The following SHISA9 variants were observed in gnomAD, a reference collection of about 807,000 sequenced individuals.
SHISA9 encodes shisa family member 9.
SHISA9 carries 13 observed loss-of-function variants against 38.0 expected under a neutral mutation model. The ratio of observed to expected loss-of-function variants is 0.34; its 90% CI spans 0.22 to 0.54. The LOEUF is 0.54. SHISA9 is among the 20% of genes least tolerant of loss of function. The pLI is 0.91. For synonymous variants in SHISA9, 275 were observed against 242.0 expected (o/e 1.14, Z -1.27); for missense variants, 538 against 575.8 (o/e 0.93, Z 0.67).
intron 2 of SHISA9, among the ~76,000 whole-genome samples, chr16:13,041,571 C>T (rs1009846656): frequency 1.2e-4 from 18 of 152,208 alleles, no homozygotes; most frequent in Admixed American, 1.0e-3. Context: ...TGTAGCTACC[C>T]TCTGATTTAT....
chr16:13,061,998 A>C (rs562546919), intron 2 of SHISA9, among the ~76,000 whole-genome samples: 1 of 152,306 alleles, frequency 6.6e-6, no homozygotes, highest in South Asian at 2.1e-4. Context: ...GACTTGAGTG[A>C]GGCAGGCAGC....
chr16:13,112,626 AT>A (rs200646860), intron 2 of SHISA9, among the ~76,000 whole-genome samples: 35 of 148,360 alleles, frequency 2.4e-4, no homozygotes, highest in Non-Finnish European at 2.4e-4. Flanking sequence ...TGAGTTCGTG[AT>A]TTTTTTTTTT....
At chr16:13,329,396 C>T in the SHISA9 span, among the ~76,000 whole-genome samples, 2 of 152,168 alleles carry the variant, frequency 1.3e-5, no homozygotes, top group Non-Finnish European at 2.9e-5. Flanking sequence ...TGGGTATTTA[C>T]CTCAGACAAT....
the SHISA9 span, among the ~76,000 whole-genome samples, chr16:13,491,641 G>C: frequency 6.6e-6 from 1 of 151,006 alleles, no homozygotes; most frequent in African/African-American, 2.4e-5. Context: ...GTGCACGCCA[G>C]CAGGCCTGGT....
chr16:13,250,088 T>C, the SHISA9 span, among the ~76,000 whole-genome samples: 1 of 152,104 alleles, frequency 6.6e-6, no homozygotes, highest in Non-Finnish European at 1.5e-5. Context: ...CCATACCTAG[T>C]CTTTATATTA....
intron 2 of SHISA9, among the ~76,000 whole-genome samples, chr16:12,930,225 C>G (rs2071445905): frequency 6.6e-6 from 1 of 152,226 alleles, no homozygotes; most frequent in Admixed American, 6.5e-5. Context: ...GGAATAAATG[C>G]TGTCAACATA....
chr16:13,064,431 C>A (rs550959692), intron 2 of SHISA9, among the ~76,000 whole-genome samples: 2 of 152,192 alleles, frequency 1.3e-5, no homozygotes, highest in Non-Finnish European at 1.5e-5. Context: ...CACTGACAAA[C>A]CTGCACATGT....
the SHISA9 span, among the ~76,000 whole-genome samples, chr16:13,418,570 C>T: frequency 1.3e-4 from 20 of 152,142 alleles, no homozygotes; most frequent in Non-Finnish European, 2.5e-4. Flanking sequence ...CCCAGTATGG[C>T]GGTCTTATGT....
chr16:12,935,037 A>C (rs1383417159), intron 2 of SHISA9, among the ~76,000 whole-genome samples: 1 of 152,154 alleles, frequency 6.6e-6, no homozygotes, highest in Non-Finnish European at 1.5e-5. Flanking sequence ...CTTTGTGTCC[A>C]TTCAAGTGTA....
chr16:13,422,885 T>C, the SHISA9 span, among the ~76,000 whole-genome samples: 2 of 152,218 alleles, frequency 1.3e-5, no homozygotes, highest in South Asian at 2.1e-4. Context: ...GACAGTCTTA[T>C]TGCACGTGAG....
the SHISA9 span, among the ~76,000 whole-genome samples, chr16:13,392,285 T>C: frequency 2.0e-5 from 3 of 152,210 alleles, no homozygotes; most frequent in Non-Finnish European, 4.4e-5. Flanking sequence ...TACTGGAGTG[T>C]GATGACTTGA....
Position 13,003,208 on chromosome 16 carries a change from T to A in SHISA9, c.691+86393T>A, listed in dbSNP as rs150737093. On this transcript the variant is annotated intron_variant, in intron 2 of 4. Transcript: ENST00000558583. Reference sequence around the variant, plus strand: ...GTAGGCAAGGGTCAAACCCTGCAGGTCTTGTACGCCATGGGAATGACTTGG... The same window carrying A: ...GTAGGCAAGGGTCAAACCCTGCAGGACTTGTACGCCATGGGAATGACTTGG... Among the ~76,000 whole-genome samples, 3 of 152,260 alleles carry A rather than the reference T, an allele frequency of 2.0e-5. No individual in the cohort carries two copies. In the East Asian group the frequency reaches 5.8e-4, roughly 29 times the overall value.
chr16:12,929,236 C>A (rs545297982), intron 2 of SHISA9, among the ~76,000 whole-genome samples: 18 of 152,154 alleles, frequency 1.2e-4, no homozygotes, highest in African/African-American at 4.3e-4. Context: ...TGTGGTGAGT[C>A]CTCAAAGATC....
chr16:13,319,542 C>T, the SHISA9 span, among the ~76,000 whole-genome samples: 1 of 152,128 alleles, frequency 6.6e-6, no homozygotes, highest in African/African-American at 2.4e-5. Flanking sequence ...AATGGTACCT[C>T]CAAGGCTGTG....
chr16:13,369,065 TTAAAA>T, the SHISA9 span, among the ~76,000 whole-genome samples: 1 of 152,120 alleles, frequency 6.6e-6, no homozygotes, highest in Non-Finnish European at 1.5e-5. Flanking sequence ...TAGACAACTG[TTAAAA>T]TGAATATACT....
chr16:13,245,404 A>C (rs2051464520), downstream of SHISA9, among the ~76,000 whole-genome samples: 1 of 152,200 alleles, frequency 6.6e-6, no homozygotes, highest in African/African-American at 2.4e-5. Flanking sequence ...CTACTTACCT[A>C]TTCTCTTCAT....
At chr16:13,133,723 T>A (rs1334993649) in intron 2 of SHISA9, among the ~76,000 whole-genome samples, 8 of 152,180 alleles carry the variant, frequency 5.3e-5, no homozygotes, top group Non-Finnish European at 1.2e-4. Flanking sequence ...TAATTGAAAG[T>A]CATGGAAGTA....
chr16:13,106,079 G>C (rs2073923166), intron 2 of SHISA9, among the ~76,000 whole-genome samples: 1 of 152,146 alleles, frequency 6.6e-6, no homozygotes, highest in African/African-American at 2.4e-5. Context: ...AACTGAGCCT[G>C]AGAGAGATCA....
At chr16:13,451,843 C>T in the SHISA9 span, among the ~76,000 whole-genome samples, 1 of 152,164 alleles carries the variant, frequency 6.6e-6, no homozygotes, top group Admixed American at 6.5e-5. Context: ...GAGGTCTTTG[C>T]CCTGTGCATA....
Sources: allele counts gnomAD v4.1 joint callset (sites outside exome capture counted in the v4.1 genomes callset), GRCh38; gene constraint gnomAD v4.1.1; transcripts MANE v1.5; gene names NCBI Gene and HGNC (gene_info 2026-07-23, HGNC 2026-07-21).